The following APH1B variants were observed in gnomAD, a reference collection of about 807,000 sequenced individuals.
The protein encoded by APH1B is aph-1B gamma-secretase subunit.
Under a neutral mutation model 28.2 loss-of-function variants are expected in APH1B, and 27 were observed. The ratio of observed to expected loss-of-function variants is 0.96; its 90% confidence interval spans 0.70 to 1.32. The LOEUF (loss-of-function observed/expected upper bound fraction) is 1.32, where lower values mean the gene tolerates loss of function less well. APH1B is among the 40% of genes most tolerant of loss of function. The pLI, the probability that APH1B is intolerant of heterozygous loss-of-function variation, is 0.00. For missense variants in APH1B, 305 were observed against 313.6 expected, an observed-to-expected ratio of 0.97 and a Z score of 0.21; for synonymous variants, 141 against 124.6, an observed-to-expected ratio of 1.13 and a Z score of -0.88.
intron 4 of APH1B, among the ~76,000 whole-genome samples, chr15:63,298,841 AAT>A (rs1363350729): frequency 1.3e-5 from 2 of 150,434 alleles, no homozygotes; most frequent in Non-Finnish European, 2.9e-5. Context: ...CTCTAAAGAT[AAT>A]ATATATAATC....
Position 63,302,328 on chromosome 15 carries a change from G to C in APH1B, c.479-17G>C, listed in dbSNP as rs199686316. 1 of 1,612,762 alleles carries C rather than the reference G, an allele frequency of 6.2e-7. No individual in the cohort carries two copies. Among genetic ancestry groups the C allele is most frequent in the South Asian group, 1.1e-5 (1 of 90,854 alleles). On this transcript the variant is annotated splice_polypyrimidine_tract_variant and intron_variant, in intron 4 of 5. Transcript: ENST00000261879. ...TGATACCTGTAGGAGTGACACTAAT[G>C]GTCGGCTCTCTTTCAGCTTTCATGA...
chr15:63,279,452 A>G, intron 2 of APH1B, 121 bp downstream of exon 2: 1 of 814,334 alleles, frequency 1.2e-6, no homozygotes, highest in Non-Finnish European at 1.7e-6. Flanking sequence ...AAGCCAAGAG[A>G]TTGGTACATT....
chr15:63,284,517 A>G (rs977999897), intron 2 of APH1B, among the ~76,000 whole-genome samples: 4 of 152,172 alleles, frequency 2.6e-5, no homozygotes, highest in African/African-American at 7.2e-5. Context: ...CCTGGCCAAT[A>G]TGTGCTGTGC....
intron 4 of APH1B, 138 bp from the exon 5 acceptor site, chr15:63,302,207 A>G: frequency 9.8e-7 from 1 of 1,022,664 alleles, no homozygotes. Flanking sequence ...TGAGTGTGTC[A>G]AGGCCCTGTT....
intron 2 of APH1B, among the ~76,000 whole-genome samples, chr15:63,283,547 G>C (rs966803109): frequency 2.6e-5 from 4 of 152,142 alleles, no homozygotes; most frequent in African/African-American, 9.7e-5. Context: ...CTCTTAAATT[G>C]ATTATTTGTC....
At chr15:63,279,445 C>A in intron 2 of APH1B, 114 bp downstream of exon 2, 1 of 892,884 alleles carries the variant, frequency 1.1e-6, no homozygotes, top group Non-Finnish European at 1.6e-6. Flanking sequence ...TAGTACTAAG[C>A]CAAGAGATTG....
At chr15:63,279,121 A>T in intron 1 of APH1B, 40 bp from the exon 2 acceptor site, 2 of 1,495,876 alleles carry the variant, frequency 1.3e-6, no homozygotes, top group Non-Finnish European at 1.8e-6. Context: ...TTAATCCTGT[A>T]CTGATGTTCA....
At chr15:63,282,599 A>G (rs1429158168) in intron 2 of APH1B, among the ~76,000 whole-genome samples, 3 of 151,886 alleles carry the variant, frequency 2.0e-5, no homozygotes, top group East Asian at 3.9e-4. Context: ...AGTTTAGACA[A>G]CTCTATGTTG....
intron 5 of APH1B, among the ~76,000 whole-genome samples, chr15:63,303,867 C>T (rs955692404): frequency 1.4e-5 from 1 of 70,882 alleles, no homozygotes; most frequent in Admixed American, 1.9e-4. Context: ...CACACACACA[C>T]ACACACAACA....
chr15:63,302,835 C>T (rs2038647027), intron 5 of APH1B, among the ~76,000 whole-genome samples: 1 of 152,098 alleles, frequency 6.6e-6, no homozygotes, highest in Admixed American at 6.6e-5. Flanking sequence ...ACACATGTGT[C>T]CTTGGCTAGC....
chr15:63,283,514 G>C (rs1445501014), intron 2 of APH1B, among the ~76,000 whole-genome samples: 3 of 152,194 alleles, frequency 2.0e-5, no homozygotes, highest in Non-Finnish European at 4.4e-5. Context: ...ACAGGTGTGA[G>C]CCACCATGCC....
At chr15:63,293,451 G>A (rs2038527193) in intron 4 of APH1B, among the ~76,000 whole-genome samples, 1 of 151,348 alleles carries the variant, frequency 6.6e-6, no homozygotes, top group African/African-American at 2.4e-5. Context: ...ACAGGCGTAA[G>A]CCACCGCACC....
chr15:63,294,037 C>T (rs2038536549), intron 4 of APH1B, among the ~76,000 whole-genome samples: 1 of 152,034 alleles, frequency 6.6e-6, no homozygotes, highest in Non-Finnish European at 1.5e-5. Context: ...AATGCTGTAC[C>T]TAGCCACTGC....
intron 4 of APH1B, among the ~76,000 whole-genome samples, chr15:63,297,451 C>T (rs1434188245): frequency 6.6e-6 from 1 of 152,114 alleles, no homozygotes; most frequent in Admixed American, 6.5e-5. Flanking sequence ...ATTACCTGAG[C>T]CCCAGGAGGT....
intron 2 of APH1B, among the ~76,000 whole-genome samples, chr15:63,283,736 T>G (rs1230061363): frequency 6.6e-6 from 1 of 152,250 alleles, no homozygotes; most frequent in African/African-American, 2.4e-5. Context: ...GCTTGTGGTT[T>G]AGGTGTATGT....
rs771188634 is a variant in APH1B, at chr15:63,277,650, C to T, written c.27C>T (p.Cys9=). 3 of 1,600,716 alleles carry T rather than the reference C, an allele frequency of 1.9e-6. No individual in the cohort carries two copies. The highest frequency in any genetic ancestry group is 2.3e-5 in the East Asian group (1 of 42,902). ...TGACTGCGGCCGTGTTCTTCGGCTGCGCCTTCATTGCCTTCGGGCCTGCGC... is the reference window on the plus strand; with the variant it reads ...TGACTGCGGCCGTGTTCTTCGGCTGTGCCTTCATTGCCTTCGGGCCTGCGC... MTAAVFFG[C]AFIAFGPALA... Residue 9 remains cysteine (C), a synonymous_variant, in exon 1 of 6, where the codon TGC becomes TGT. Coordinates refer to ENST00000261879, the MANE Select transcript of APH1B (RefSeq NM_031301.4).
At chr15:63,283,137 T>C (rs1369337737) in intron 2 of APH1B, among the ~76,000 whole-genome samples, 1 of 152,242 alleles carries the variant, frequency 6.6e-6, no homozygotes, top group Non-Finnish European at 1.5e-5. Flanking sequence ...CGTACTTCCA[T>C]AACGTAGAAT....
chr15:63,279,346 T>C lies in APH1B; in HGVS notation c.284+15T>C, dbSNP rs1361839955. The C allele has an allele frequency of 1.3e-6, 2 of 1,577,498 alleles. No homozygotes were observed. On this transcript the variant is annotated intron_variant, in intron 2 of 5. Transcript: ENST00000261879. ...AAACTCTTAAAGTAAGTTAAATACC[T>C]GCCTTACCTTTTTTTTCCCCAGTTA...
At chr15:63,291,593 C>T (rs1436179785) in intron 4 of APH1B, 2 of 152,006 alleles carry the variant, frequency 1.3e-5, no homozygotes, top group Non-Finnish European at 2.9e-5. Flanking sequence ...GAAGCCATGG[C>T]CTGTGGGATA....
Sources: gnomAD v4.1 joint callset for allele counts (sites outside exome capture counted in the v4.1 genomes callset) on GRCh38, gnomAD v4.1.1 for gene constraint, MANE v1.5 for transcripts, NCBI Gene and HGNC (gene_info 2026-07-23, HGNC 2026-07-21) for gene names.